The following NMT2 variants were observed in gnomAD, a reference collection of about 807,000 sequenced individuals.
NMT2 encodes glycylpeptide N-tetradecanoyltransferase 2.
NMT2 carries 35 observed loss-of-function variants against 65.4 expected under a neutral mutation model. The ratio of observed to expected loss-of-function variants is 0.54; its 90% CI spans 0.41 to 0.71. The LOEUF (loss-of-function observed/expected upper bound fraction) is 0.71. Ranked by LOEUF, NMT2 falls within the 30% of genes least tolerant of loss-of-function variation. The probability of loss-of-function intolerance (pLI) is 0.00; values close to 1 mark genes in which losing one functional copy is unlikely to be tolerated. For missense variants in NMT2, 489 were observed against 611.3 expected, an observed-to-expected ratio of 0.80 and a Z score of 2.11; for synonymous variants, 226 against 231.8, an observed-to-expected ratio of 0.98 and a Z score of 0.23.
chr10:15,154,990 T>C (rs1832942353), intron 1 of NMT2: 3 of 1,173,514 alleles, frequency 2.6e-6, no homozygotes, highest in Non-Finnish European at 2.5e-6. Flanking sequence ...GGTCCAGCAT[T>C]TGCCATGGAC....
At chr10:15,144,083 C>CT (rs773075502) in intron 1 of NMT2, among the ~76,000 whole-genome samples, 2 of 152,084 alleles carry the variant, frequency 1.3e-5, no homozygotes, top group Non-Finnish European at 2.9e-5. Flanking sequence ...CACATCAAAA[C>CT]TTTTTTTTCT....
chr10:15,117,575 A>G (rs1421182590), intron 9 of NMT2, among the ~76,000 whole-genome samples: 2 of 152,234 alleles, frequency 1.3e-5, no homozygotes, highest in African/African-American at 4.8e-5. Flanking sequence ...AAATAAAGGC[A>G]TCGAGATTGG....
At chr10:15,165,218 T>C (rs987797334) in intron 1 of NMT2, among the ~76,000 whole-genome samples, 5 of 151,672 alleles carry the variant, frequency 3.3e-5, no homozygotes, top group Admixed American at 2.6e-4. Context: ...CTGCCACCCA[T>C]AGCAGAACAG....
chr10:15,155,352 G>T, intron 1 of NMT2: 1 of 901,042 alleles, frequency 1.1e-6, no homozygotes, highest in Non-Finnish European at 1.8e-6. Context: ...GGTGGCGGTG[G>T]CGTCTGCAAA....
intron 9 of NMT2, among the ~76,000 whole-genome samples, chr10:15,116,410 G>A (rs1222042549): frequency 1.3e-5 from 2 of 152,134 alleles, no homozygotes; most frequent in African/African-American, 2.4e-5. Flanking sequence ...ACCAAAATAC[G>A]TCAGAAATAG....
rs370735562 is a variant in NMT2, at chr10:15,168,483, C to A, written c.110+20G>T. 2.6e-6 allele frequency: 4 copies of A among 1,559,740 alleles called. No homozygotes were observed. The highest frequency in any genetic ancestry group is 3.5e-6 in the Non-Finnish European group (4 of 1,150,448). On this transcript the variant is annotated intron_variant, in intron 1 of 11. Coordinates refer to ENST00000378165, the MANE Select transcript of NMT2 (RefSeq NM_004808.3). Reference sequence around the variant, plus strand: ...GGTCCCCGCCCTGTCGCGCCCGGTGCGCCAGCGCGCCGCCCCTACCCTTTG... The same window carrying A: ...GGTCCCCGCCCTGTCGCGCCCGGTGAGCCAGCGCGCCGCCCCTACCCTTTG...
intron 1 of NMT2, among the ~76,000 whole-genome samples, chr10:15,153,858 T>A (rs1171570186): frequency 6.6e-6 from 1 of 152,058 alleles, no homozygotes; most frequent in Admixed American, 6.6e-5. Context: ...TTTCACTGTG[T>A]TAGCCAGGAT....
At chr10:15,135,916 GAGAA>G (rs1187920321) in intron 2 of NMT2, among the ~76,000 whole-genome samples, 4 of 151,620 alleles carry the variant, frequency 2.6e-5, no homozygotes, top group East Asian at 2.0e-4. Context: ...AACAAAGAAA[GAGAA>G]AGAGAGAGAG....
chr10:15,157,754 T>A (rs7096608), intron 1 of NMT2, among the ~76,000 whole-genome samples: 1 of 152,142 alleles, frequency 6.6e-6, no homozygotes, highest in Non-Finnish European at 1.5e-5. Context: ...TTAAAAAAAT[T>A]AATTCATTGA....
At chr10:15,142,401 G>GA (rs60925661) in intron 1 of NMT2, among the ~76,000 whole-genome samples, 17 of 147,828 alleles carry the variant, frequency 1.1e-4, no homozygotes, top group African/African-American at 3.0e-4. Flanking sequence ...CTACCAAAAG[G>GA]AAAAAAAAAA....
chr10:15,148,018 T>C (rs1300406861), intron 1 of NMT2, among the ~76,000 whole-genome samples: 3 of 152,234 alleles, frequency 2.0e-5, no homozygotes, highest in Non-Finnish European at 4.4e-5. Flanking sequence ...CAAAGGTCTT[T>C]TCTCTTTCAC....
intron 2 of NMT2, chr10:15,138,505 G>T (rs1041119748): frequency 2.5e-5 from 12 of 470,622 alleles, no homozygotes; most frequent in Admixed American, 7.1e-5. Context: ...AACTTCCCAC[G>T]ATTCCACTCC....
At chr10:15,152,699 G>GT (rs1330308995) in intron 1 of NMT2, among the ~76,000 whole-genome samples, 1 of 152,132 alleles carries the variant, frequency 6.6e-6, no homozygotes, top group African/African-American at 2.4e-5. Context: ...CTTTTAAGCA[G>GT]TTTTTTTCAT....
intron 2 of NMT2, among the ~76,000 whole-genome samples, chr10:15,135,908 CAA>C (rs1846472091): frequency 6.8e-6 from 1 of 147,692 alleles, no homozygotes; most frequent in Non-Finnish European, 1.5e-5. Flanking sequence ...AGAGAGAAAA[CAA>C]AGAAAGAGAA....
In NMT2 at chr10:15,132,926, G is replaced by A. The variant is rs902174505; in HGVS notation, c.610C>T (p.Arg204Cys). The part of the protein sequence containing the change: ...YSPEFLLWAL[R>C]PPGWLLQWHC... ...CACTGCAGGAGCCAGCCTGGTGGAC[G>A]CAGAGCCCTGAGGTCACGGTAGACA... Residue 204 changes from arginine (R) to cysteine (C), a missense_variant, in exon 6 of 12, where the codon CGT becomes TGT. By Grantham distance (180) the Arg-to-Cys change is radical. Coordinates refer to ENST00000378165, the MANE Select transcript of NMT2 (RefSeq NM_004808.3). The A allele has an allele frequency of 3.7e-6, 6 of 1,611,952 alleles. No homozygotes were observed. Among genetic ancestry groups the A allele is most frequent in the East Asian group, 2.2e-5 (1 of 44,878 alleles).
chr10:15,127,419 C>T (rs1330899907), intron 8 of NMT2, among the ~76,000 whole-genome samples: 20 of 148,454 alleles, frequency 1.3e-4, no homozygotes, highest in African/African-American at 3.5e-4. Flanking sequence ...TGCTGGCGGG[C>T]GCCTATAGTC....
chr10:15,156,764 C>T (rs1311582970), intron 1 of NMT2, among the ~76,000 whole-genome samples: 3 of 152,022 alleles, frequency 2.0e-5, no homozygotes, highest in Non-Finnish European at 4.4e-5. Context: ...TACGTGGTGG[C>T]ACATGCCTGT....
intron 9 of NMT2, among the ~76,000 whole-genome samples, chr10:15,113,796 C>A (rs1195823075): frequency 6.6e-6 from 1 of 152,114 alleles, no homozygotes; most frequent in African/African-American, 2.4e-5. Context: ...CACATGTGAA[C>A]AACTGGAGAA....
intron 2 of NMT2, among the ~76,000 whole-genome samples, chr10:15,139,205 T>C (rs1377622086): frequency 6.6e-6 from 1 of 152,164 alleles, no homozygotes; most frequent in African/African-American, 2.4e-5. Context: ...AGATGGCCTA[T>C]TGTGGGACCT....
Sources: allele counts gnomAD v4.1 joint callset (sites outside exome capture counted in the v4.1 genomes callset), GRCh38; gene constraint gnomAD v4.1.1; transcripts MANE v1.5; gene names NCBI Gene and HGNC (gene_info 2026-07-23, HGNC 2026-07-21).